The following NUDC variants were observed in gnomAD, a reference collection of about 807,000 sequenced individuals.
NUDC encodes nuclear migration protein nudC.
NUDC carries 14 observed loss-of-function variants against 45.0 expected under a neutral mutation model. The observed-to-expected ratio is 0.31, with a 90% CI of 0.21 to 0.49. The LOEUF is 0.49. Among genes scored for constraint, NUDC ranks in the 20% least tolerant of loss-of-function variants. The pLI is 0.99. For missense variants in NUDC, 323 were observed against 426.2 expected (o/e 0.76, Z 2.13); for synonymous variants, 153 against 156.7 (o/e 0.98, Z 0.17).
chr1:26,934,254 C>T lies in NUDC; in HGVS notation c.160-7203C>T, dbSNP rs138575287. Among the ~76,000 whole-genome samples the T allele has an allele frequency of 4.6e-5, 7 of 152,270 alleles. No homozygotes were observed. The East Asian group carries it at 1.3e-3, about 29-fold the overall frequency. On this transcript the variant is annotated intron_variant, in intron 2 of 8. Coordinates refer to ENST00000321265, the MANE Select transcript of NUDC (RefSeq NM_006600.4). ...AAGAAGGCATTTCTTCACAGATTGG[C>T]AGGAGAGAGAATGAGTGCCAGCAGA... is the stretch of plus-strand genomic sequence containing the variant.
intron 3 of NUDC, chr1:26,913,918 G>C: frequency 6.8e-7 from 1 of 1,480,202 alleles, no homozygotes; most frequent in Non-Finnish European, 9.0e-7. Flanking sequence ...GCATGGGCAG[G>C]CCCCTGGTTG....
upstream of NUDC, among the ~76,000 whole-genome samples, chr1:26,920,984 GGAA>G (rs2082087578): frequency 6.6e-6 from 1 of 151,966 alleles, no homozygotes; most frequent in Non-Finnish European, 1.5e-5. Flanking sequence ...TAAATTGAAG[GGAA>G]GAAGAAAGAT....
chr1:26,922,198 C>T (rs2082097357), intron 1 of NUDC: 2 of 545,330 alleles, frequency 3.7e-6, no homozygotes, highest in Non-Finnish European at 6.6e-6. Context: ...TATGCCCCCA[C>T]CCCCGTTTCC....
Position 26,915,810 on chromosome 1 carries a change from G to A in NUDC, c.93+4575G>A, listed in dbSNP as rs1009675088. Among the ~76,000 whole-genome samples the A allele has an allele frequency of 3.3e-5, 5 of 152,092 alleles. No homozygotes were observed. The South Asian group carries it at 1.0e-3, about 32-fold the overall frequency. ...GAGCTGAGCACCAGTGGACAAACAG[G>A]CACACCTCTTTCATTTGATTATTAG... On this transcript the variant is annotated intron_variant, in intron 3 of 6. Coordinates refer to the NUDC transcript ENST00000435827.
intron 3 of NUDC, chr1:26,912,161 T>G: frequency 6.3e-7 from 1 of 1,578,224 alleles, no homozygotes; most frequent in Non-Finnish European, 8.6e-7. Context: ...TGGCCCAAGA[T>G]CTGGGCCATC....
intron 2 of NUDC, among the ~76,000 whole-genome samples, chr1:26,934,908 T>C (rs530373784): frequency 6.6e-6 from 1 of 152,206 alleles, no homozygotes; most frequent in East Asian, 1.9e-4. Flanking sequence ...CCACTTGCCT[T>C]GGCCTCCCAA....
In NUDC at chr1:26,921,807, A is replaced by T. The variant is rs768196390; in HGVS notation, c.-42A>T. On this transcript the variant is annotated 5_prime_UTR_variant, in exon 1 of 9. Transcript: ENST00000321265. Reference sequence around the variant, plus strand: ...CCCGCAGGAGCGTAGAGAGCGCGGGACTAGAGTGCAGAGCTCCGGGACGTG... The same window carrying T: ...CCCGCAGGAGCGTAGAGAGCGCGGGTCTAGAGTGCAGAGCTCCGGGACGTG... 3.2e-6 allele frequency: 5 copies of T among 1,540,472 alleles called. No homozygotes were observed. In the African/African-American group the frequency reaches 5.5e-5, roughly 17 times the overall value.
chr1:26,929,552 C>G (rs894350005), intron 2 of NUDC, among the ~76,000 whole-genome samples: 7 of 152,046 alleles, frequency 4.6e-5, no homozygotes, highest in Non-Finnish European at 8.8e-5. Context: ...AATAAAATGC[C>G]ATTTTATATA....
At chr1:26,942,608 A>T in intron 4 of NUDC, 52 bp from the exon 5 acceptor site, 4 of 1,612,520 alleles carry the variant, frequency 2.5e-6, no homozygotes, top group Admixed American at 1.7e-5. Flanking sequence ...TGAGGGTTCA[A>T]TCTGTGTCTT....
chr1:26,919,300 GT>G (rs2082077470), upstream of NUDC, among the ~76,000 whole-genome samples: 1 of 152,004 alleles, frequency 6.6e-6, no homozygotes. Context: ...CAACGTGCAG[GT>G]TTGTTACATA....
upstream of NUDC, among the ~76,000 whole-genome samples, chr1:26,919,313 G>A (rs938570900): frequency 2.0e-5 from 3 of 151,986 alleles, no homozygotes; most frequent in Non-Finnish European, 2.9e-5. Flanking sequence ...TGTTACATAT[G>A]TATACATGTG....
At chr1:26,901,778 A>G (rs2081980289) in intron 1 of NUDC, among the ~76,000 whole-genome samples, 1 of 152,142 alleles carries the variant, frequency 6.6e-6, no homozygotes. Context: ...CAAAGTCTAC[A>G]CATTATACTG....
intron 3 of NUDC, chr1:26,912,044 T>C: frequency 6.2e-7 from 1 of 1,614,138 alleles, no homozygotes; most frequent in Admixed American, 1.7e-5. Context: ...AGCCTCCTGC[T>C]GCAGGTGCCC....
chr1:26,904,366 C>T (rs1480114996), intron 2 of NUDC, among the ~76,000 whole-genome samples: 3 of 151,882 alleles, frequency 2.0e-5, no homozygotes, highest in Non-Finnish European at 4.4e-5. Context: ...GACGGGGTTT[C>T]ATCATGTTGA....
chr1:26,927,595 A>T (rs2082144938), intron 2 of NUDC, among the ~76,000 whole-genome samples: 1 of 151,414 alleles, frequency 6.6e-6, no homozygotes, highest in South Asian at 2.1e-4. Flanking sequence ...CCGGGGTTTC[A>T]CCATGTTGGT....
At chr1:26,922,228 A>G (rs1391067344) in intron 1 of NUDC, 4 of 506,814 alleles carry the variant, frequency 7.9e-6, no homozygotes, top group South Asian at 2.1e-5. Flanking sequence ...GCGGCTTCCA[A>G]GGAGCATCCC....
intron 1 of NUDC, 58 bp from the exon 2 acceptor site, chr1:26,924,031 G>A: frequency 6.7e-7 from 1 of 1,482,192 alleles, no homozygotes; most frequent in Non-Finnish European, 9.4e-7. Context: ...TGACTTGTGT[G>A]CAGTTGAAGG....
intron 2 of NUDC, among the ~76,000 whole-genome samples, chr1:26,909,950 G>A (rs2082018785): frequency 6.6e-6 from 1 of 152,136 alleles, no homozygotes; most frequent in African/African-American, 2.4e-5. Flanking sequence ...GGGGGAAAGA[G>A]GATGAATGGT....
chr1:26,934,912 C>T (rs1000165509), intron 2 of NUDC, among the ~76,000 whole-genome samples: 4 of 152,124 alleles, frequency 2.6e-5, no homozygotes, highest in African/African-American at 9.7e-5. Context: ...TTGCCTTGGC[C>T]TCCCAAAGTG....
Sources: allele counts gnomAD v4.1 joint callset (sites outside exome capture counted in the v4.1 genomes callset), GRCh38; gene constraint gnomAD v4.1.1; transcripts MANE v1.5; gene names NCBI Gene and HGNC (gene_info 2026-07-23, HGNC 2026-07-21).